The following MGLL variants were observed in gnomAD, a reference collection of about 807,000 sequenced individuals.
The protein encoded by MGLL is monoglyceride lipase.
In MGLL, 7 loss-of-function variants were observed where a neutral mutation model predicts 29.1. The observed-to-expected ratio is 0.24, with a 90% CI of 0.14 to 0.45. MGLL has a LOEUF of 0.45. Among genes scored for constraint, MGLL ranks in the 20% least tolerant of loss-of-function variants. The pLI, the probability that MGLL is intolerant of heterozygous loss-of-function variation, is 0.99. For synonymous variants in MGLL, 148 were observed against 168.3 expected (o/e 0.88, Z 0.93); for missense variants, 356 against 413.6 (o/e 0.86, Z 1.21).
At chr3:127,759,129 T>C (rs1298504154) in intron 3 of MGLL, among the ~76,000 whole-genome samples, 2 of 152,184 alleles carry the variant, frequency 1.3e-5, no homozygotes, top group African/African-American at 2.4e-5. Context: ...TTCGCCATGT[T>C]GGCCAGGCTG....
intron 2 of MGLL, among the ~76,000 whole-genome samples, chr3:127,817,857 C>G (rs555414717): frequency 6.6e-6 from 1 of 152,386 alleles, no homozygotes; most frequent in Non-Finnish European, 1.5e-5. Context: ...GAAACTGTGA[C>G]TTCCTAGCTC....
Position 127,692,115 on chromosome 3 carries a change from T to TTTAA in MGLL, c.*82_*83insTTAA. 4.1e-6 allele frequency: 2 copies of TTTAA among 492,136 alleles called. No individual in the cohort carries two copies. Among genetic ancestry groups the TTTAA allele is most frequent in the Non-Finnish European group, 6.3e-6 (2 of 316,764 alleles). The allele number at this position is 492,136 out of a possible 1,614,324, so 30.5% of individuals were successfully genotyped here. On this transcript the variant is annotated 3_prime_UTR_variant, in exon 8 of 8. Coordinates refer to ENST00000265052, the MANE Select transcript of MGLL (RefSeq NM_007283.7). The stretch of plus-strand genomic sequence containing the variant: ...TCTGATTTTTTTTTTTTTTTTTTTT[T>TTTAA]GGCAAGCCATATCTGAGAAGCCATC...
chr3:127,783,673 C>T (rs1281817864), intron 2 of MGLL: 1 of 152,278 alleles, frequency 6.6e-6, no homozygotes, highest in African/African-American at 2.4e-5. Context: ...CCTTTTCCTG[C>T]CTTTTTCCTA....
chr3:127,811,694 T>C (rs1355339576), intron 2 of MGLL, among the ~76,000 whole-genome samples: 1 of 152,248 alleles, frequency 6.6e-6, no homozygotes, highest in African/African-American at 2.4e-5. Flanking sequence ...CTGTTCTCAT[T>C]GCTCTTGAAA....
At chr3:127,797,809 G>A (rs1249994129) in intron 2 of MGLL, among the ~76,000 whole-genome samples, 1 of 152,102 alleles carries the variant, frequency 6.6e-6, no homozygotes, top group Non-Finnish European at 1.5e-5. Context: ...GTTTCACCAT[G>A]TTGCCCAGAT....
rs1465427699 is a variant in MGLL, at chr3:127,726,169, AAAGAAAGAAAGAAAGAAAAGAAAAG to A, written c.263-3628_263-3604del. On this transcript the variant is annotated intron_variant, in intron 3 of 7. Transcript: ENST00000265052. ...GAAAGAAAGAAAGAAAGAAAGAAAG[AAAGAAAGAAAGAAAGAAAAGAAAAG>A]AAAGAAAGAAAGACAGAAGGAAGGA... 1.0e-3 allele frequency among the ~76,000 whole-genome samples: 34 copies of A among 32,672 alleles called. No individual in the cohort carries two copies. The East Asian group carries it at 0.013, about 12-fold the overall frequency. 21.4% of individuals were successfully genotyped at this position (32,672 alleles called of 152,430 possible). A position where few individuals can be genotyped will look rare whatever the true frequency, so the allele number is the denominator to read the frequency against.
intron 3 of MGLL, among the ~76,000 whole-genome samples, chr3:127,740,182 T>C (rs575557910): frequency 6.6e-6 from 1 of 152,328 alleles, no homozygotes; most frequent in South Asian, 2.1e-4. Flanking sequence ...TAAATGTGCA[T>C]AACCTAAATT....
Position 127,737,761 on chromosome 3 carries a change from C to T in MGLL, c.263-15195G>A, listed in dbSNP as rs565252495. Among the ~76,000 whole-genome samples, 192 of 150,098 alleles carry T rather than the reference C, an allele frequency of 1.3e-3. 1 individual carries two copies. Among genetic ancestry groups the T allele is most frequent in the Non-Finnish European group, 4.6e-4 (31 of 67,800 alleles). On this transcript the variant is annotated intron_variant, in intron 3 of 7. Transcript: ENST00000265052. ...CCGGGTTGAAGCAACTCTCCTGCCT[C>T]AGCCTCCCAAGTAGCTGGGATTACA...
At chr3:127,730,759 G>A (rs1295208438) in intron 3 of MGLL, among the ~76,000 whole-genome samples, 1 of 152,202 alleles carries the variant, frequency 6.6e-6, no homozygotes, top group Non-Finnish European at 1.5e-5. Flanking sequence ...ATAGATGGAG[G>A]GTCCTGAGAG....
chr3:127,773,316 C>T (rs1218713012), intron 3 of MGLL, among the ~76,000 whole-genome samples: 2 of 152,260 alleles, frequency 1.3e-5, no homozygotes, highest in East Asian at 3.8e-4. Context: ...CACGTAGCAG[C>T]CATGCCACCT....
intron 3 of MGLL, among the ~76,000 whole-genome samples, chr3:127,775,375 T>C (rs957940621): frequency 3.3e-5 from 5 of 152,214 alleles, no homozygotes; most frequent in East Asian, 1.9e-4. Context: ...AATAAACCTA[T>C]GGCAGTTTAT....
At chr3:127,812,121 G>C (rs973575943) in intron 2 of MGLL, among the ~76,000 whole-genome samples, 2 of 152,208 alleles carry the variant, frequency 1.3e-5, no homozygotes, top group Non-Finnish European at 2.9e-5. Flanking sequence ...ATATGCCAAA[G>C]ACTGGAATAC....
chr3:127,706,298 A>G (rs764117592), intron 6 of MGLL, among the ~76,000 whole-genome samples: 6 of 152,180 alleles, frequency 3.9e-5, no homozygotes, highest in Admixed American at 6.5e-5. Flanking sequence ...CCACAAAGGT[A>G]CTGAGAAAGA....
chr3:127,807,349 G>A (rs1304945247), intron 2 of MGLL, among the ~76,000 whole-genome samples: 1 of 151,974 alleles, frequency 6.6e-6, no homozygotes, highest in Non-Finnish European at 1.5e-5. Context: ...AGTAATTCAA[G>A]TCTTCTCTCT....
At chr3:127,724,429 T>C (rs1410958617) in intron 3 of MGLL, among the ~76,000 whole-genome samples, 1 of 152,242 alleles carries the variant, frequency 6.6e-6, no homozygotes, top group Non-Finnish European at 1.5e-5. Flanking sequence ...TTCCATTCTG[T>C]GGATGGACCA....
chr3:127,709,330 G>A (rs2075664572), intron 6 of MGLL, among the ~76,000 whole-genome samples: 1 of 152,214 alleles, frequency 6.6e-6, no homozygotes. Flanking sequence ...TGGATGGGTT[G>A]GATGGATCAG....
intron 2 of MGLL, among the ~76,000 whole-genome samples, chr3:127,793,657 G>A (rs1012640062): frequency 6.6e-6 from 1 of 152,190 alleles, no homozygotes; most frequent in African/African-American, 2.4e-5. Flanking sequence ...CGCCTCCCGG[G>A]TTGAAGTGAT....
At chr3:127,707,693 G>T (rs2075629120) in intron 6 of MGLL, among the ~76,000 whole-genome samples, 1 of 152,244 alleles carries the variant, frequency 6.6e-6, no homozygotes, top group Non-Finnish European at 1.5e-5. Flanking sequence ...GACCAGAAGG[G>T]CTCTAGTGTC....
intron 2 of MGLL, among the ~76,000 whole-genome samples, chr3:127,797,313 T>C (rs1161755656): frequency 6.6e-6 from 1 of 151,844 alleles, no homozygotes. Flanking sequence ...CTCCTGGCTT[T>C]TTGCAGGCAA....
Sources: allele counts gnomAD v4.1 joint callset (sites outside exome capture counted in the v4.1 genomes callset), GRCh38; gene constraint gnomAD v4.1.1; transcripts MANE v1.5; gene names NCBI Gene and HGNC (gene_info 2026-07-23, HGNC 2026-07-21).